THSD7B: variants seen among roughly 807,000 people sequenced by gnomAD.
The protein encoded by THSD7B is thrombospondin type-1 domain-containing protein 7B.
Under a neutral mutation model 213.6 loss-of-function variants are expected in THSD7B, and 138 were observed. The observed-to-expected ratio is 0.65, with a 90% CI of 0.56 to 0.74. The LOEUF (loss-of-function observed/expected upper bound fraction) is 0.74. Among genes scored for constraint, THSD7B ranks in the 30% least tolerant of loss-of-function variants. The probability of loss-of-function intolerance (pLI) is 0.00; values close to 1 mark genes in which losing one functional copy is unlikely to be tolerated. For missense variants in THSD7B, 1,931 were observed against 1,991.5 expected (o/e 0.97, Z 0.58); for synonymous variants, 742 against 687.0 (o/e 1.08, Z -1.25).
At chr2:137,388,849 A>G (rs6717921) in intron 12 of THSD7B, among the ~76,000 whole-genome samples, 18,447 of 152,042 alleles carry the variant, frequency 0.12, 1,529 homozygotes, top group African/African-American at 0.23. Flanking sequence ...AGAAGATTTA[A>G]TTATATTTTT....
intron 14 of THSD7B, among the ~76,000 whole-genome samples, chr2:137,447,282 T>C (rs1043650596): frequency 6.6e-6 from 1 of 151,918 alleles, no homozygotes; most frequent in African/African-American, 2.4e-5. Context: ...TGATTTAAAA[T>C]CTCAATTAAA....
At chr2:137,199,870 G>A (rs992284522) in intron 7 of THSD7B, among the ~76,000 whole-genome samples, 1 of 152,138 alleles carries the variant, frequency 6.6e-6, no homozygotes, top group Non-Finnish European at 1.5e-5. Context: ...TGAAGATAGT[G>A]TAAAATAGTT....
chr2:137,372,030 G>T (rs1184776272), intron 12 of THSD7B, among the ~76,000 whole-genome samples: 1 of 152,130 alleles, frequency 6.6e-6, no homozygotes, highest in Non-Finnish European at 1.5e-5. Context: ...TAAAAAAGTT[G>T]AATTGTATGA....
In THSD7B at chr2:137,329,866, A is replaced by G. The variant is rs114076635; in HGVS notation, c.2500+53840A>G. 9.6e-3 allele frequency among the ~76,000 whole-genome samples: 1,462 copies of G among 152,280 alleles called. 29 individuals are homozygous for G. The highest frequency in any genetic ancestry group is 0.034 in the African/African-American group (1,414 of 41,554). On this transcript the variant is annotated intron_variant, in intron 12 of 27. Transcript: ENST00000409968. ...GGGGAAACTGTCTCTAGGGCACGTC[A>G]GAGACCTTTGTGGCAGCCCCTGTCA...
At chr2:136,839,396 G>T (rs1682889645) in intron 1 of THSD7B, among the ~76,000 whole-genome samples, 1 of 152,172 alleles carries the variant, frequency 6.6e-6, no homozygotes, top group African/African-American at 2.4e-5. Context: ...ATGGCTTATA[G>T]TAAAACTCTG....
intron 2 of THSD7B, among the ~76,000 whole-genome samples, chr2:136,930,462 G>A (rs1684608070): frequency 6.6e-6 from 1 of 152,168 alleles, no homozygotes; most frequent in Admixed American, 6.6e-5. Flanking sequence ...GAAGCTTTAA[G>A]ACTAAATGGC....
intron 2 of THSD7B, among the ~76,000 whole-genome samples, chr2:136,925,026 C>A (rs945546582): frequency 6.6e-6 from 1 of 152,120 alleles, no homozygotes; most frequent in Non-Finnish European, 1.5e-5. Context: ...TTGTATCCTG[C>A]AACTTTGTTA....
At chr2:136,904,059 AAATG>A in intron 2 of THSD7B, among the ~76,000 whole-genome samples, 1 of 52,508 alleles carries the variant, frequency 1.9e-5, no homozygotes. Context: ...CTGTGTCCCC[AAATG>A]TTCCTCAAGG....
chr2:136,840,895 G>T (rs1682910436), intron 1 of THSD7B, among the ~76,000 whole-genome samples: 2 of 152,012 alleles, frequency 1.3e-5, no homozygotes, highest in Non-Finnish European at 2.9e-5. Context: ...TGGGAAATGA[G>T]GGGGAAAATA....
chr2:137,637,847 A>G (rs567583184), intron 20 of THSD7B, among the ~76,000 whole-genome samples: 6 of 152,334 alleles, frequency 3.9e-5, no homozygotes, highest in African/African-American at 1.2e-4. Flanking sequence ...TAAAGGTGAC[A>G]CCACATTGTC....
Position 137,254,870 on chromosome 2 carries a change from T to C in THSD7B, c.2266+12298T>C, listed in dbSNP as rs564367640. On this transcript the variant is annotated intron_variant, in intron 10 of 27. Transcript: ENST00000409968. ...AGATACTTAGCAGTGTGTATGTTTA[T>C]GTGAGTGTGTATGTGTGTGCGTGTG... is the stretch of plus-strand genomic sequence containing the variant. Among the ~76,000 whole-genome samples, 17 of 152,178 alleles carry C rather than the reference T, an allele frequency of 1.1e-4. No individual in the cohort carries two copies. In the South Asian group the frequency reaches 3.5e-3, roughly 32 times the overall value.
rs1553455794 is a variant in THSD7B, at chr2:136,890,303, C to CCTCCTCCTCTTCTTCTTCTTCTTCTT, written c.139+7988_139+7989insCCTCCTCTTCTTCTTCTTCTTCTTCT. Among the ~76,000 whole-genome samples, 2 of 5,162 alleles carry CCTCCTCCTCTTCTTCTTCTTCTTCTT rather than the reference C, an allele frequency of 3.9e-4. 1 individual carries two copies. The highest frequency in any genetic ancestry group is 1.1e-3 in the African/African-American group (2 of 1,748). 3.4% of individuals were successfully genotyped at this position (5,162 alleles called of 152,430 possible). A position where few individuals can be genotyped will look rare whatever the true frequency, so the allele number is the denominator to read the frequency against. On this transcript the variant is annotated intron_variant, in intron 2 of 27. Transcript: ENST00000409968. The stretch of plus-strand genomic sequence containing the variant: ...TGCTCATTCATGTCCATGTCCTACT[C>CCTCCTCCTCTTCTTCTTCTTCTTCTT]CTTCTTCTTCTTCTTCTTCTTCTTC...
chr2:137,591,458 A>T (rs983164964), intron 17 of THSD7B, among the ~76,000 whole-genome samples: 2 of 151,876 alleles, frequency 1.3e-5, no homozygotes, highest in Admixed American at 6.6e-5. Flanking sequence ...AGTTCAGTAT[A>T]TTTCAGTTTT....
At chr2:136,971,429 G>A (rs1391736364) in intron 2 of THSD7B, among the ~76,000 whole-genome samples, 11 of 151,944 alleles carry the variant, frequency 7.2e-5, no homozygotes, top group Admixed American at 5.3e-4. Flanking sequence ...GTGAAAAATT[G>A]CATTGAAATG....
intron 2 of THSD7B, among the ~76,000 whole-genome samples, chr2:137,053,161 C>T (rs1321678074): frequency 1.3e-5 from 2 of 152,038 alleles, no homozygotes; most frequent in African/African-American, 2.4e-5. Flanking sequence ...TCTACTCATA[C>T]CCAAATGAAT....
At chr2:136,900,479 A>C (rs1393264047) in intron 2 of THSD7B, among the ~76,000 whole-genome samples, 2 of 152,116 alleles carry the variant, frequency 1.3e-5, no homozygotes, top group African/African-American at 4.8e-5. Context: ...CACACCACAC[A>C]ACAAAATCTC....
chr2:136,928,275 C>T (rs1348983459), intron 2 of THSD7B, among the ~76,000 whole-genome samples: 8 of 152,122 alleles, frequency 5.3e-5, no homozygotes, highest in Admixed American at 3.3e-4. Flanking sequence ...ATTCACTGAA[C>T]GCTGTACTAA....
chr2:137,409,212 T>C (rs1461770841), intron 13 of THSD7B, among the ~76,000 whole-genome samples: 2 of 152,146 alleles, frequency 1.3e-5, no homozygotes, highest in Admixed American at 1.3e-4. Context: ...GGTGGACAGA[T>C]TGAAGGTAGT....
intron 2 of THSD7B, among the ~76,000 whole-genome samples, chr2:137,046,534 A>C (rs62171223): frequency 0.091 from 13,770 of 152,088 alleles, 776 homozygotes; most frequent in East Asian, 0.22. Flanking sequence ...GTTCGAGAGC[A>C]GCCTGGCCAA....
Sources: allele counts gnomAD v4.1 joint callset (sites outside exome capture counted in the v4.1 genomes callset), GRCh38; gene constraint gnomAD v4.1.1; transcripts MANE v1.5; gene names NCBI Gene and HGNC (gene_info 2026-07-23, HGNC 2026-07-21).